RECQL5: variants seen among roughly 807,000 people sequenced by gnomAD.
The protein encoded by RECQL5 is RecQ like helicase 5, also known as ATP-dependent DNA helicase Q5.
A neutral mutation model predicts 103.4 loss-of-function variants in RECQL5; 88 were observed. The ratio of observed to expected loss-of-function variants is 0.85; its 90% CI spans 0.72 to 1.02. RECQL5 has a LOEUF of 1.02. RECQL5 is among the 50% of genes least tolerant of loss of function. RECQL5 has a pLI of 0.00. For missense variants in RECQL5, 1,232 were observed against 1,284.3 expected (o/e 0.96, Z 0.62); for synonymous variants, 552 against 507.9 (o/e 1.09, Z -1.17).
At chr17:75,663,305 A>G (rs902111693) in intron 3 of RECQL5, among the ~76,000 whole-genome samples, 2 of 152,170 alleles carry the variant, frequency 1.3e-5, no homozygotes, top group Non-Finnish European at 2.9e-5. Context: ...TTATACATAT[A>G]GCCTAGATGT....
At position 75,640,910 on chromosome 17, in the gene RECQL5, G is replaced by T; in HGVS notation, c.1230-9242C>A. 1.3e-6 allele frequency: 2 copies of T among 1,541,296 alleles called. No individual in the cohort carries two copies. Among genetic ancestry groups the T allele is most frequent in the Non-Finnish European group, 1.7e-6 (2 of 1,146,532 alleles). On this transcript the variant is annotated intron_variant, in intron 8 of 19. Coordinates refer to ENST00000317905, the MANE Select transcript of RECQL5 (RefSeq NM_004259.7). This position sits in a 1 kb window ranked among gnomAD's most constrained non-coding sequence, Gnocchi z 4.6. ...GACACCACCATGACGGACGGGCGAT[G>T]GCTGAGGAGAAGCTGGAGAGGAGAT... is the stretch of plus-strand genomic sequence containing the variant.
intron 18 of RECQL5, 112 bp downstream of exon 18, chr17:75,628,106 G>C (rs2059135541): frequency 1.1e-6 from 1 of 940,910 alleles, no homozygotes; most frequent in Non-Finnish European, 1.6e-6. Context: ...GACGGGCGTG[G>C]GGCTGGCCCT....
intron 8 of RECQL5, chr17:75,634,278 CCA>C (rs1346946378): frequency 3.4e-5 from 33 of 983,286 alleles, no homozygotes; most frequent in Middle Eastern, 5.2e-4. Context: ...GGGTGAAGGG[CCA>C]CAGTCTACCA....
In RECQL5 at chr17:75,662,824, C is replaced by G. The variant is rs1170883046; in HGVS notation, c.426G>C (p.Leu142=). 1 of 1,614,002 alleles carries G rather than the reference C, an allele frequency of 6.2e-7. No individual in the cohort carries two copies. Among genetic ancestry groups the G allele is most frequent in the Non-Finnish European group, 8.5e-7 (1 of 1,180,036 alleles). The part of the protein sequence containing the change: ...MAASSSFQPT[L]NSLVSRHLLS... ...GCAGGTGGCGGGACACCAGGGAGTT[C>G]AGGGTGGGCTGGAAGGAGGATGAAG... Residue 142 remains leucine (L), a synonymous_variant, in exon 4 of 20, where the codon CTG becomes CTC. Transcript: ENST00000317905.
chr17:75,650,490 G>A, intron 8 of RECQL5: 1 of 1,386,744 alleles, frequency 7.2e-7, no homozygotes, highest in Non-Finnish European at 9.4e-7. Context: ...TCGTGACTGT[G>A]ACCTCTCTGG....
At position 75,627,399 on chromosome 17, in the gene RECQL5, G is replaced by A; in HGVS notation, c.*23C>T. 6.3e-7 allele frequency: 1 copy of A among 1,592,310 alleles called. No homozygotes were observed. Among genetic ancestry groups the A allele is most frequent in the Non-Finnish European group, 8.6e-7 (1 of 1,161,368 alleles). On this transcript the variant is annotated 3_prime_UTR_variant, in exon 20 of 20. Transcript: ENST00000317905. ...ATGCTAGAATCTGGGGGAGGACGCG[G>A]GCCCTGCCCAGCCAGCAGTTGGTCA...
chr17:75,641,764 T>C (rs2059438255), intron 8 of RECQL5, among the ~76,000 whole-genome samples: 1 of 152,206 alleles, frequency 6.6e-6, no homozygotes, highest in South Asian at 2.1e-4. Flanking sequence ...CCAGTGGGTC[T>C]TCACAAACTG....
At chr17:75,656,813 C>G in intron 7 of RECQL5, among the ~76,000 whole-genome samples, 1 of 148,430 alleles carries the variant, frequency 6.7e-6, no homozygotes, top group Non-Finnish European at 1.5e-5. Flanking sequence ...GGCGTGATCT[C>G]GGCTCACTGC....
intron 8 of RECQL5, among the ~76,000 whole-genome samples, chr17:75,634,566 G>A (rs2059283317): frequency 6.6e-6 from 1 of 152,234 alleles, no homozygotes; most frequent in Non-Finnish European, 1.5e-5. Flanking sequence ...CCGGCCTGCT[G>A]AGCCTCCCTT....
chr17:75,660,198 C>G (rs1486151558), intron 6 of RECQL5, among the ~76,000 whole-genome samples: 2 of 152,154 alleles, frequency 1.3e-5, no homozygotes, highest in African/African-American at 4.8e-5. Context: ...CCCCAAGTAG[C>G]TGGGACTACA....
At chr17:75,648,318 G>C (rs1047600656) in intron 8 of RECQL5, among the ~76,000 whole-genome samples, 1 of 152,036 alleles carries the variant, frequency 6.6e-6, no homozygotes, top group African/African-American at 2.4e-5. Flanking sequence ...TTAGGGTAAG[G>C]CCACTTGTTT....
At chr17:75,650,978 G>C in intron 8 of RECQL5, 1 of 1,492,994 alleles carries the variant, frequency 6.7e-7, no homozygotes, top group Non-Finnish European at 8.8e-7. Flanking sequence ...AGAATACTGA[G>C]CAAATCCCCA....
chr17:75,651,184 A>C lies in RECQL5; in HGVS notation c.1229+2T>G. 6.2e-7 allele frequency: 1 copy of C among 1,614,124 alleles called. No individual in the cohort carries two copies. ...GCTCCACATATAAAATAAGTCACTTACCCCAGTTCTTCACAGAAGGTCACC... is the reference window on the plus strand; with the variant it reads ...GCTCCACATATAAAATAAGTCACTTCCCCCAGTTCTTCACAGAAGGTCACC... On this transcript the variant is annotated splice_donor_variant, in intron 8 of 19. Coordinates refer to ENST00000317905, the MANE Select transcript of RECQL5 (RefSeq NM_004259.7). LOFTEE classifies it high-confidence loss of function.
At chr17:75,641,434 G>C (rs572698566) in intron 8 of RECQL5, 1 of 155,010 alleles carries the variant, frequency 6.5e-6, no homozygotes, top group Admixed American at 6.3e-5. Flanking sequence ...CCTGAGGTTG[G>C]GCTGGGCTCT....
chr17:75,654,251 C>A (rs2148323792), intron 7 of RECQL5, among the ~76,000 whole-genome samples: 1 of 152,230 alleles, frequency 6.6e-6, no homozygotes, highest in Non-Finnish European at 1.5e-5. Context: ...ATTAATTCAC[C>A]CCTAACTGTC....
chr17:75,660,000 G>A (rs1302136611), intron 6 of RECQL5, among the ~76,000 whole-genome samples: 1 of 152,148 alleles, frequency 6.6e-6, no homozygotes, highest in Non-Finnish European at 1.5e-5. Context: ...CCTTCCACAG[G>A]GAGTAGCTTA....
chr17:75,651,718 T>C (rs2059557779), intron 7 of RECQL5, among the ~76,000 whole-genome samples: 1 of 152,234 alleles, frequency 6.6e-6, no homozygotes, highest in Non-Finnish European at 1.5e-5. Context: ...CTGAATTTTC[T>C]GGGATGAGCT....
At chr17:75,665,326 T>C (rs1568288506) in intron 2 of RECQL5, among the ~76,000 whole-genome samples, 154 bp from the exon 3 acceptor site, 1 of 152,150 alleles carries the variant, frequency 6.6e-6, no homozygotes, top group African/African-American at 2.4e-5. Flanking sequence ...GTCCTTTCTA[T>C]GAAAAAGGCA....
chr17:75,658,576 G>A, intron 6 of RECQL5, 116 bp from the exon 7 acceptor site: 3 of 924,342 alleles, frequency 3.2e-6, no homozygotes, highest in South Asian at 1.5e-5. Context: ...GAGAGGGATA[G>A]TCCCAGAGTT....
Sources: gnomAD v4.1 joint callset for allele counts (sites outside exome capture counted in the v4.1 genomes callset) on GRCh38, gnomAD v4.1.1 for gene constraint, Gnocchi (gnomAD v3.1) non-coding constraint, MANE v1.5 for transcripts, NCBI Gene and HGNC (gene_info 2026-07-23, HGNC 2026-07-21) for gene names.